The following IGF1R variants were observed in gnomAD, a reference collection of about 807,000 sequenced individuals.
IGF1R encodes the protein insulin like growth factor 1 receptor.
Under a neutral mutation model 144.6 loss-of-function variants are expected in IGF1R, and 44 were observed. The ratio of observed to expected loss-of-function variants is 0.30; its 90% CI spans 0.24 to 0.39. The LOEUF (loss-of-function observed/expected upper bound fraction) is 0.39. Among genes scored for constraint, IGF1R ranks in the 10% least tolerant of loss-of-function variants. The pLI is 1.00. For synonymous variants in IGF1R, 795 were observed against 722.8 expected (o/e 1.10, Z -1.60); for missense variants, 1,355 against 1,833.7 (o/e 0.74, Z 4.77).
intron 10 of IGF1R, 26 bp downstream of exon 10, chr15:98,916,902 T>C: frequency 1.9e-6 from 3 of 1,605,846 alleles, no homozygotes; most frequent in Non-Finnish European, 2.6e-6. Flanking sequence ...GAAATTTCAG[T>C]TGGCAAAACC....
intron 2 of IGF1R, among the ~76,000 whole-genome samples, chr15:98,726,949 G>T (rs999651111): frequency 6.6e-6 from 1 of 151,964 alleles, no homozygotes; most frequent in Admixed American, 6.6e-5. Context: ...TCGAACTCCT[G>T]ACCTCAGGTG....
chr15:98,950,473 T>A (rs148631685), intron 20 of IGF1R, among the ~76,000 whole-genome samples: 3 of 152,316 alleles, frequency 2.0e-5, no homozygotes, highest in Non-Finnish European at 2.9e-5. Flanking sequence ...CCTTCAGGGT[T>A]CTGCACTTGC....
intron 1 of IGF1R, among the ~76,000 whole-genome samples, chr15:98,688,414 C>CTG (rs10528336): frequency 0.21 from 29,750 of 143,394 alleles, 3,016 homozygotes; most frequent in Middle Eastern, 0.3. Flanking sequence ...CAACACACAC[C>CTG]TGTGTGTGTG....
Position 98,961,552 on chromosome 15 carries a change from CAAAT to C in IGF1R, c.*4113_*4116del, listed in dbSNP as rs898962188. On this transcript the variant is annotated 3_prime_UTR_variant, in exon 21 of 21. Transcript: ENST00000650285. ...CCTCTTGATTTTTCTCTGTGTGTTC[CAAAT>C]AATCTTAAGCTGAGTTGTGGCATTT... 4.3e-6 allele frequency: 1 copy of C among 233,598 alleles called. No individual in the cohort carries two copies. The highest frequency in any genetic ancestry group is 8.5e-6 in the Non-Finnish European group (1 of 118,070). The allele number at this position is 233,598 out of a possible 1,614,324, so 14.5% of individuals were successfully genotyped here.
intron 20 of IGF1R, chr15:98,953,000 T>C (rs1376198187): frequency 1.3e-5 from 2 of 152,246 alleles, no homozygotes; most frequent in Non-Finnish European, 2.9e-5. Context: ...AGGAGGGTTC[T>C]AGCATGGGAG....
chr15:98,764,872 A>C (rs2055396919), intron 2 of IGF1R, among the ~76,000 whole-genome samples: 1 of 152,188 alleles, frequency 6.6e-6, no homozygotes, highest in Non-Finnish European at 1.5e-5. Context: ...CATCTAGTAT[A>C]TTCATACTGT....
chr15:98,656,793 A>G (rs907209837), intron 1 of IGF1R, among the ~76,000 whole-genome samples: 1 of 152,198 alleles, frequency 6.6e-6, no homozygotes, highest in Non-Finnish European at 1.5e-5. Context: ...AGAATTGTGT[A>G]TCTCCATCCA....
At chr15:98,729,856 C>T (rs886375254) in intron 2 of IGF1R, among the ~76,000 whole-genome samples, 1 of 152,188 alleles carries the variant, frequency 6.6e-6, no homozygotes, top group Admixed American at 6.5e-5. Flanking sequence ...CCATGTGCTT[C>T]TGGCAGGCCT....
chr15:98,681,907 G>A (rs2053199288), intron 1 of IGF1R, among the ~76,000 whole-genome samples: 1 of 152,182 alleles, frequency 6.6e-6, no homozygotes, highest in Non-Finnish European at 1.5e-5. Context: ...GGGGAGAAAT[G>A]CTATGATTTC....
intron 5 of IGF1R, among the ~76,000 whole-genome samples, chr15:98,901,211 T>G (rs1053073037): frequency 6.6e-6 from 1 of 152,200 alleles, no homozygotes; most frequent in Non-Finnish European, 1.5e-5. Flanking sequence ...CCCGGGCCCC[T>G]GGCCTGCTCT....
At chr15:98,818,090 C>T (rs375693011) in intron 2 of IGF1R, among the ~76,000 whole-genome samples, 2 of 152,280 alleles carry the variant, frequency 1.3e-5, no homozygotes, top group East Asian at 3.9e-4. Flanking sequence ...GGACATTAAT[C>T]CAATTGTATC....
rs10704966 is a variant in IGF1R, at chr15:98,895,222, C to CCACA, written c.954-1492_954-1489dup. On this transcript the variant is annotated intron_variant, in intron 3 of 20. Transcript: ENST00000650285. The stretch of plus-strand genomic sequence containing the variant: ...TACACAAGTGATCAGTGACACAGCA[C>CCACA]CACACACACACACACACACACACAC... 3.8e-3 allele frequency among the ~76,000 whole-genome samples: 546 copies of CCACA among 143,376 alleles called. 1 individual carries two copies. The highest frequency in any genetic ancestry group is 6.1e-3 in the South Asian group (27 of 4,462). 94.1% of individuals were successfully genotyped at this position (143,376 alleles called of 152,430 possible).
At chr15:98,737,984 G>A (rs1208848583) in intron 2 of IGF1R, among the ~76,000 whole-genome samples, 11 of 152,160 alleles carry the variant, frequency 7.2e-5, no homozygotes, top group Admixed American at 4.6e-4. Flanking sequence ...GTGTATGAAG[G>A]TCTGCTGCTC....
intron 2 of IGF1R, among the ~76,000 whole-genome samples, chr15:98,845,299 T>C (rs2011267150): frequency 6.6e-6 from 1 of 152,144 alleles, no homozygotes. Flanking sequence ...TTGAGGGGCT[T>C]TGTGCATATG....
chr15:98,898,678 C>T (rs139767871), intron 4 of IGF1R, among the ~76,000 whole-genome samples: 7 of 152,118 alleles, frequency 4.6e-5, no homozygotes, highest in East Asian at 1.9e-4. Flanking sequence ...TCATAAATTA[C>T]GCACAGTAAA....
intron 1 of IGF1R, among the ~76,000 whole-genome samples, chr15:98,663,524 G>A (rs1205905526): frequency 6.6e-6 from 1 of 152,252 alleles, no homozygotes; most frequent in Non-Finnish European, 1.5e-5. Context: ...GTTAAAACCC[G>A]TGGAGTAATA....
At chr15:98,860,730 T>G (rs991198762) in intron 2 of IGF1R, among the ~76,000 whole-genome samples, 1 of 151,924 alleles carries the variant, frequency 6.6e-6, no homozygotes, top group Non-Finnish European at 1.5e-5. Context: ...TTACCATTTT[T>G]ATGTCTCCAT....
intron 11 of IGF1R, among the ~76,000 whole-genome samples, chr15:98,922,910 C>A (rs1056874224): frequency 1.3e-5 from 2 of 152,202 alleles, no homozygotes; most frequent in African/African-American, 4.8e-5. Flanking sequence ...TTAGACACTG[C>A]CTGTCACTCG....
chr15:98,790,907 G>A (rs1175018403), intron 2 of IGF1R, among the ~76,000 whole-genome samples: 1 of 152,192 alleles, frequency 6.6e-6, no homozygotes, highest in Non-Finnish European at 1.5e-5. Context: ...AAAGCAGAAA[G>A]TGACGTTGGT....
Sources: allele counts gnomAD v4.1 joint callset (sites outside exome capture counted in the v4.1 genomes callset), GRCh38; gene constraint gnomAD v4.1.1; transcripts MANE v1.5; gene names NCBI Gene and HGNC (gene_info 2026-07-23, HGNC 2026-07-21).